The following ENTREP2 variants were observed in gnomAD, a reference collection of about 807,000 sequenced individuals.
ENTREP2 encodes endosomal transmembrane epsin interactor 2, also known as protein ENTREP2.
chr15:29,505,308 TG>T, the ENTREP2 span, among the ~76,000 whole-genome samples: 2 of 152,210 alleles, frequency 1.3e-5, no homozygotes, highest in South Asian at 4.1e-4. The surrounding 1 kb of genome is among the most constrained non-coding windows in gnomAD (Gnocchi z 4.3). Flanking sequence ...ACCTGGGGGA[TG>T]GGACAGCTAT....
chr15:29,400,883 G>A, the ENTREP2 span, among the ~76,000 whole-genome samples: 1 of 152,288 alleles, frequency 6.6e-6, no homozygotes, highest in African/African-American at 2.4e-5. Context: ...GTGGAGTCCC[G>A]TCCCCATCCC....
At chr15:29,444,475 CTTTTTTTTCT>C in the ENTREP2 span, among the ~76,000 whole-genome samples, 86 of 140,232 alleles carry the variant, frequency 6.1e-4, no homozygotes, top group African/African-American at 2.4e-3. Flanking sequence ...TTCTTTTTTT[CTTTTTTTTCT>C]TTTTTTTTTT....
chr15:29,126,288 AGGTGGGGTCGCT>A, the ENTREP2 span: 2 of 1,483,234 alleles, frequency 1.3e-6, no homozygotes, highest in South Asian at 2.7e-5. Flanking sequence ...GATGTGCACA[AGGTGGGGTCGCT>A]GGTGGAGCGG....
At chr15:29,447,873 G>A in the ENTREP2 span, among the ~76,000 whole-genome samples, 2 of 151,958 alleles carry the variant, frequency 1.3e-5, no homozygotes, top group Non-Finnish European at 2.9e-5. Flanking sequence ...GACCAGCCTG[G>A]CCAACATGGT....
At chr15:29,183,499 T>C in the ENTREP2 span, among the ~76,000 whole-genome samples, 35 of 152,162 alleles carry the variant, frequency 2.3e-4, no homozygotes, top group Admixed American at 3.3e-4. Flanking sequence ...ATTCTAGCAC[T>C]GTTAGAATAA....
At chr15:29,191,631 G>A in the ENTREP2 span, among the ~76,000 whole-genome samples, 4 of 152,104 alleles carry the variant, frequency 2.6e-5, no homozygotes, top group Non-Finnish European at 4.4e-5. Flanking sequence ...TACAAAAACC[G>A]AACAGGGATA....
chr15:29,497,801 T>C, the ENTREP2 span, among the ~76,000 whole-genome samples: 1 of 151,860 alleles, frequency 6.6e-6, no homozygotes, highest in Non-Finnish European at 1.5e-5. Context: ...ATCTTTACTA[T>C]ATCCTTCCTT....
the ENTREP2 span, among the ~76,000 whole-genome samples, chr15:29,432,189 T>C: frequency 6.6e-6 from 1 of 152,214 alleles, no homozygotes; most frequent in Non-Finnish European, 1.5e-5. Context: ...CTTCAGACAA[T>C]GCCTGTTCCT....
At chr15:29,296,088 ACT>A in the ENTREP2 span, among the ~76,000 whole-genome samples, 5 of 151,994 alleles carry the variant, frequency 3.3e-5, no homozygotes, top group South Asian at 1.0e-3. Flanking sequence ...TCGAACTGTA[ACT>A]CTTCCCTGGG....
At chr15:29,478,024 T>A in the ENTREP2 span, among the ~76,000 whole-genome samples, 15 of 120,052 alleles carry the variant, frequency 1.2e-4, no homozygotes, top group African/African-American at 4.4e-4. Flanking sequence ...TATATATTTT[T>A]TTTTTTTTTT....
the ENTREP2 span, among the ~76,000 whole-genome samples, chr15:29,556,753 C>T: frequency 2.0e-4 from 21 of 106,760 alleles, no homozygotes; most frequent in African/African-American, 7.1e-4. Flanking sequence ...GCTTCAGCCC[C>T]ATGCAGGTGC....
chr15:29,655,689 A>C, the ENTREP2 span, among the ~76,000 whole-genome samples: 1 of 152,292 alleles, frequency 6.6e-6, no homozygotes, highest in South Asian at 2.1e-4. Context: ...AATAAAAACT[A>C]TGAGAAAGAA....
chr15:29,449,499 G>A, the ENTREP2 span, among the ~76,000 whole-genome samples: 1 of 152,332 alleles, frequency 6.6e-6, no homozygotes, highest in African/African-American at 2.4e-5. Flanking sequence ...TTCGGAATGT[G>A]ATGAATGTGA....
At chr15:29,381,666 G>A in the ENTREP2 span, 6 of 853,940 alleles carry the variant, frequency 7.0e-6, no homozygotes, top group African/African-American at 6.8e-5. Context: ...TCTGCTTCCC[G>A]CTGCCTGAAA....
chr15:29,656,442 G>C, the ENTREP2 span, among the ~76,000 whole-genome samples: 9 of 152,270 alleles, frequency 5.9e-5, no homozygotes, highest in South Asian at 4.2e-4. Context: ...GCCCAAGCTG[G>C]TCTTGAACTC....
chr15:29,462,365 T>C, the ENTREP2 span, among the ~76,000 whole-genome samples: 1 of 152,088 alleles, frequency 6.6e-6, no homozygotes, highest in Non-Finnish European at 1.5e-5. Context: ...TCCCAGCACT[T>C]TGGAAGGCTG....
chr15:29,395,344 T>C, the ENTREP2 span, among the ~76,000 whole-genome samples: 8 of 152,142 alleles, frequency 5.3e-5, no homozygotes, highest in Non-Finnish European at 1.2e-4. Flanking sequence ...TTGAGACCCT[T>C]CTTTCAATTC....
the ENTREP2 span, among the ~76,000 whole-genome samples, chr15:29,639,280 C>T: frequency 1.3e-5 from 2 of 152,132 alleles, no homozygotes; most frequent in African/African-American, 2.4e-5. Context: ...AGTCTTGACT[C>T]AATCTGAAAG....
At chr15:29,228,377 G>T in the ENTREP2 span, among the ~76,000 whole-genome samples, 2 of 152,110 alleles carry the variant, frequency 1.3e-5, no homozygotes, top group African/African-American at 4.8e-5. Flanking sequence ...CCACTTACAT[G>T]AGTGACCTAG....
Sources: allele counts gnomAD v4.1 joint callset (sites outside exome capture counted in the v4.1 genomes callset), GRCh38; gene constraint gnomAD v4.1.1; non-coding constraint Gnocchi (gnomAD v3.1); transcripts MANE v1.5; gene names NCBI Gene and HGNC (gene_info 2026-07-23, HGNC 2026-07-21).